The following DOCK10 variants were observed in gnomAD, a reference collection of about 807,000 sequenced individuals.
DOCK10 encodes dedicator of cytokinesis protein 10.
DOCK10 carries 145 observed loss-of-function variants against 280.1 expected under a neutral mutation model. The ratio of observed to expected loss-of-function variants is 0.52; its 90% CI spans 0.45 to 0.59. The LOEUF is 0.59. DOCK10 is among the 20% of genes least tolerant of loss of function. The probability of loss-of-function intolerance (pLI) is 0.00; values close to 1 mark genes in which losing one functional copy is unlikely to be tolerated. For synonymous variants in DOCK10, 915 were observed against 942.2 expected (o/e 0.97, Z 0.53); for missense variants, 2,368 against 2,651.7 (o/e 0.89, Z 2.35).
At chr2:224,811,628 G>A (rs1026595236) in intron 31 of DOCK10, among the ~76,000 whole-genome samples, 1 of 152,136 alleles carries the variant, frequency 6.6e-6, no homozygotes, top group Non-Finnish European at 1.5e-5. Context: ...GGTCTAACAT[G>A]TAAGTCTTTA....
chr2:224,957,409 G>C (rs1704114645), intron 1 of DOCK10, among the ~76,000 whole-genome samples: 2 of 151,548 alleles, frequency 1.3e-5, no homozygotes, highest in Admixed American at 6.6e-5. Flanking sequence ...TCTTGCCTCA[G>C]CCTGCTGAGT....
chr2:225,041,970 G>A (rs990087700), intron 1 of DOCK10, among the ~76,000 whole-genome samples: 1 of 152,210 alleles, frequency 6.6e-6, no homozygotes, highest in Non-Finnish European at 1.5e-5. Context: ...CCCCATTAAA[G>A]CCCCTGCACA....
At chr2:225,035,246 G>A (rs1690188369) in intron 1 of DOCK10, among the ~76,000 whole-genome samples, 1 of 151,908 alleles carries the variant, frequency 6.6e-6, no homozygotes, top group Admixed American at 6.6e-5. Context: ...GGATAGTCAA[G>A]GAAAGAGTAT....
At chr2:224,791,388 A>G (rs2125105755) in intron 47 of DOCK10, among the ~76,000 whole-genome samples, 1 of 152,258 alleles carries the variant, frequency 6.6e-6, no homozygotes, top group South Asian at 2.1e-4. Context: ...ATAGGGTGCC[A>G]CATCTGGCTT....
chr2:224,783,521 A>G (rs1691506747), intron 50 of DOCK10, among the ~76,000 whole-genome samples: 1 of 151,928 alleles, frequency 6.6e-6, no homozygotes, highest in Non-Finnish European at 1.5e-5. Context: ...TGATCTGCCC[A>G]CCTCGGCCTC....
chr2:224,985,714 C>T (rs543856805), intron 1 of DOCK10, among the ~76,000 whole-genome samples: 1 of 152,138 alleles, frequency 6.6e-6, no homozygotes, highest in Admixed American at 6.5e-5. Flanking sequence ...CTGGACTCTG[C>T]CTCAGGGGTC....
At chr2:224,804,000 A>G (rs1045630630) in intron 39 of DOCK10, 112 bp downstream of exon 39, 40 of 461,860 alleles carry the variant, frequency 8.7e-5, no homozygotes, top group South Asian at 3.2e-4. Flanking sequence ...AAATAGAAAT[A>G]TGTGTGTGTG....
rs749940690 is a variant in DOCK10, at chr2:224,816,642, C to A, written c.3339G>T (p.Leu1113=). 6.2e-7 allele frequency: 1 copy of A among 1,605,566 alleles called. No individual in the cohort carries two copies. Among genetic ancestry groups the A allele is most frequent in the Non-Finnish European group, 8.5e-7 (1 of 1,174,478 alleles). The part of the protein sequence containing the change: ...CQHEHFIPLC[L]PIRSANIPDP... ...CTGGAATGTTTGCTGATCTTATGGGCAGACACAAAGGGATAAAGTGTTCAT... is the reference window on the plus strand; with the variant it reads ...CTGGAATGTTTGCTGATCTTATGGGAAGACACAAAGGGATAAAGTGTTCAT... The change falls in exon 30 of 56, where the codon CTG becomes CTT. Residue 1113 remains leucine, a synonymous_variant. Transcript: ENST00000258390.
chr2:224,822,723 T>G (rs1375150573), intron 28 of DOCK10, among the ~76,000 whole-genome samples: 1 of 150,412 alleles, frequency 6.6e-6, no homozygotes, highest in African/African-American at 2.4e-5. Flanking sequence ...CAAAAAGAAA[T>G]AAAGAAAAAA....
At chr2:224,787,814 C>T (rs1197113103) in intron 48 of DOCK10, among the ~76,000 whole-genome samples, 2 of 152,136 alleles carry the variant, frequency 1.3e-5, no homozygotes, top group African/African-American at 4.8e-5. Flanking sequence ...AACTGCTGTC[C>T]AAACTCTAGC....
At chr2:224,779,968 G>A (rs1055406248) in intron 50 of DOCK10, among the ~76,000 whole-genome samples, 19 of 152,074 alleles carry the variant, frequency 1.2e-4, no homozygotes, top group African/African-American at 4.6e-4. Context: ...ACAATGCCTG[G>A]TCTTTAGGAG....
At chr2:225,013,163 T>C (rs1236941156) in intron 1 of DOCK10, among the ~76,000 whole-genome samples, 1 of 152,200 alleles carries the variant, frequency 6.6e-6, no homozygotes, top group Non-Finnish European at 1.5e-5. Flanking sequence ...GATTAGTCCT[T>C]TGAGTTAGTT....
At chr2:224,957,531 C>T (rs575422322) in intron 1 of DOCK10, among the ~76,000 whole-genome samples, 1 of 152,254 alleles carries the variant, frequency 6.6e-6, no homozygotes, top group Admixed American at 6.5e-5. Context: ...TCAAGAGATC[C>T]TCTCACCTCA....
chr2:225,003,837 TTC>T (rs1330451819), intron 1 of DOCK10, among the ~76,000 whole-genome samples: 1 of 152,182 alleles, frequency 6.6e-6, no homozygotes, highest in Non-Finnish European at 1.5e-5. Context: ...AGGCCATCTT[TTC>T]TCTGTGTGAC....
chr2:225,036,147 G>A (rs185030839), intron 1 of DOCK10, among the ~76,000 whole-genome samples: 83 of 152,248 alleles, frequency 5.5e-4, no homozygotes, highest in East Asian at 9.6e-4. Context: ...AAGTCTCACC[G>A]TACAACCTAG....
In DOCK10 at chr2:224,805,487, G is replaced by T. The variant is rs1339330599; in HGVS notation, c.3857C>A (p.Ser1286Tyr). The change falls in exon 35 of 56, where the codon TCC becomes TAC. Residue 1286 changes from serine to tyrosine, a missense_variant. Physicochemically the swap from Ser to Tyr is moderately radical, Grantham distance 144. Coordinates refer to ENST00000258390, the MANE Select transcript of DOCK10 (RefSeq NM_014689.3). This position sits in a 1 kb window ranked among gnomAD's most constrained non-coding sequence, Gnocchi z 4.3. ...GTCAAGACTTGCTAAAGATGCTCTG[G>T]AGTCAGCATGGTTTACTGTAGAAAT... The part of the protein sequence containing the change: ...IAISTVNHAD[S>Y]RASLASLDSN... 1 of 1,612,708 alleles carries T rather than the reference G, an allele frequency of 6.2e-7. No individual in the cohort carries two copies. Among genetic ancestry groups the T allele is most frequent in the South Asian group, 1.1e-5 (1 of 91,066 alleles).
At chr2:224,839,670 G>A (rs140337782) in intron 24 of DOCK10, among the ~76,000 whole-genome samples, 197 of 152,286 alleles carry the variant, frequency 1.3e-3, no homozygotes, top group African/African-American at 4.2e-3. Flanking sequence ...ACCAGGTAAA[G>A]GGCACATGGG....
rs750856255 is a variant in DOCK10 at position 224,765,757 on chromosome 2, T to C, written c.6525A>G (p.Leu2175=). Residue 2175 remains leucine (L), a synonymous_variant, in exon 56 of 56, where the codon CTA becomes CTG. Transcript: ENST00000258390. ...CACTAGATGAGATGGAGACCGTGGG[T>C]AGGGCCGGAGTTGCTTTGCTAATTA... ...TRVISKATPA[L]PTVSISSSAE... 27 of 1,613,888 alleles carry C rather than the reference T, an allele frequency of 1.7e-5. No homozygotes were observed. In the Admixed American group the frequency reaches 1.8e-4, roughly 11 times the overall value.
At chr2:224,981,464 G>C (rs1559919222) in intron 1 of DOCK10, among the ~76,000 whole-genome samples, 1 of 151,938 alleles carries the variant, frequency 6.6e-6, no homozygotes, top group Non-Finnish European at 1.5e-5. Context: ...CCTCAATTTT[G>C]GAAACTTTAC....
Sources: gnomAD v4.1 joint callset for allele counts (sites outside exome capture counted in the v4.1 genomes callset) on GRCh38, gnomAD v4.1.1 for gene constraint, Gnocchi (gnomAD v3.1) non-coding constraint, MANE v1.5 for transcripts, NCBI Gene and HGNC (gene_info 2026-07-23, HGNC 2026-07-21) for gene names.